DNM3: variants seen among roughly 807,000 people sequenced by gnomAD.
DNM3 encodes dynamin-3.
A neutral mutation model predicts 101.6 loss-of-function variants in DNM3; 47 were observed. The observed-to-expected ratio is 0.46, with a 90% CI of 0.37 to 0.59. The LOEUF (loss-of-function observed/expected upper bound fraction) is 0.59, where lower values mean the gene tolerates loss of function less well. DNM3 is among the 20% of genes least tolerant of loss of function. The probability of loss-of-function intolerance (pLI) is 0.00; values close to 1 mark genes in which losing one functional copy is unlikely to be tolerated. For missense variants in DNM3, 849 were observed against 1,085.7 expected, an observed-to-expected ratio of 0.78 and a Z score of 3.06; for synonymous variants, 385 against 387.9, an observed-to-expected ratio of 0.99 and a Z score of 0.09.
At chr1:171,886,429 G>A (rs1471855961) in intron 1 of DNM3, among the ~76,000 whole-genome samples, 1 of 152,284 alleles carries the variant, frequency 6.6e-6, no homozygotes, top group East Asian at 1.9e-4. Flanking sequence ...GATTCAGAGA[G>A]GGAAAGTTTG....
At chr1:172,323,608 C>A (rs1372540092) in intron 17 of DNM3, among the ~76,000 whole-genome samples, 1 of 152,148 alleles carries the variant, frequency 6.6e-6, no homozygotes, top group African/African-American at 2.4e-5. Context: ...AAAGAGCTCC[C>A]ACACTAAAAG....
chr1:171,862,191 A>G (rs2034243984), intron 1 of DNM3, among the ~76,000 whole-genome samples: 1 of 152,186 alleles, frequency 6.6e-6, no homozygotes, highest in Admixed American at 6.6e-5. Flanking sequence ...AAAGTTAAAC[A>G]TAGTTATCAT....
At chr1:172,159,914 A>G (rs1012427304) in intron 14 of DNM3, among the ~76,000 whole-genome samples, 2 of 152,032 alleles carry the variant, frequency 1.3e-5, no homozygotes, top group African/African-American at 4.8e-5. Flanking sequence ...TACCTAGGCT[A>G]TATGGTATAT....
chr1:171,967,851 C>G (rs1304923423), intron 2 of DNM3, among the ~76,000 whole-genome samples: 4 of 152,294 alleles, frequency 2.6e-5, no homozygotes, highest in East Asian at 1.9e-4. Flanking sequence ...ATATACCTTA[C>G]AGGTCCTTAT....
At chr1:171,878,001 G>A (rs2035931238) in intron 1 of DNM3, among the ~76,000 whole-genome samples, 1 of 152,116 alleles carries the variant, frequency 6.6e-6, no homozygotes, top group South Asian at 2.1e-4. Flanking sequence ...ATAGTACTTA[G>A]GACAATGATT....
intron 2 of DNM3, among the ~76,000 whole-genome samples, chr1:171,942,045 G>C (rs1430386993): frequency 6.6e-6 from 1 of 151,930 alleles, no homozygotes; most frequent in Non-Finnish European, 1.5e-5. Context: ...TGTATTTTTT[G>C]TTCATATGTT....
intron 13 of DNM3, among the ~76,000 whole-genome samples, chr1:172,121,468 A>C (rs1354875449): frequency 6.6e-6 from 1 of 152,256 alleles, no homozygotes; most frequent in Non-Finnish European, 1.5e-5. Context: ...GAGGCATAAA[A>C]AATGCCCTCA....
At chr1:172,147,317 CTT>C (rs2057950506) in intron 14 of DNM3, among the ~76,000 whole-genome samples, 1 of 152,156 alleles carries the variant, frequency 6.6e-6, no homozygotes, top group African/African-American at 2.4e-5. Context: ...GCCTTAATAA[CTT>C]TTCTTACGTC....
intron 17 of DNM3, among the ~76,000 whole-genome samples, chr1:172,368,066 C>A (rs1332441291): frequency 6.6e-6 from 1 of 151,768 alleles, no homozygotes; most frequent in African/African-American, 2.4e-5. Flanking sequence ...GCATAGATCA[C>A]CTAGGCATAA....
At chr1:172,126,737 T>C (rs934505593) in intron 13 of DNM3, among the ~76,000 whole-genome samples, 37 of 152,052 alleles carry the variant, frequency 2.4e-4, no homozygotes, top group African/African-American at 2.2e-4. Flanking sequence ...TTTGACTTCA[T>C]TGGACTCTTA....
intron 10 of DNM3, among the ~76,000 whole-genome samples, chr1:172,055,393 T>G (rs1466728635): frequency 6.6e-6 from 1 of 152,072 alleles, no homozygotes. Flanking sequence ...TTTTCTATTT[T>G]CAGTTGCATA....
At chr1:172,329,153 C>G (rs2066072745) in intron 17 of DNM3, among the ~76,000 whole-genome samples, 1 of 151,910 alleles carries the variant, frequency 6.6e-6, no homozygotes, top group Non-Finnish European at 1.5e-5. Flanking sequence ...TTAAAGCCTT[C>G]TGTCTATCTT....
At chr1:171,957,731 G>A (rs746586763) in intron 2 of DNM3, among the ~76,000 whole-genome samples, 1 of 152,154 alleles carries the variant, frequency 6.6e-6, no homozygotes, top group Non-Finnish European at 1.5e-5. Context: ...CATAGCAAGA[G>A]TCACCTTTAC....
intron 16 of DNM3, among the ~76,000 whole-genome samples, chr1:172,321,590 C>T (rs1239215462): frequency 2.0e-5 from 3 of 152,134 alleles, no homozygotes; most frequent in African/African-American, 7.2e-5. Context: ...CCACGTCCTC[C>T]GCTTGTGTGT....
chr1:171,962,876 C>T (rs1238742741), intron 2 of DNM3, among the ~76,000 whole-genome samples: 1 of 152,116 alleles, frequency 6.6e-6, no homozygotes, highest in African/African-American at 2.4e-5. Flanking sequence ...AACCTAAAAA[C>T]TAACAGTACT....
At chr1:172,105,137 C>T (rs757498082) in intron 13 of DNM3, among the ~76,000 whole-genome samples, 4 of 152,220 alleles carry the variant, frequency 2.6e-5, no homozygotes, top group Admixed American at 1.3e-4. Flanking sequence ...ACAGTCCATA[C>T]TATCACCATT....
chr1:172,012,178 G>A (rs1158794333), intron 4 of DNM3, among the ~76,000 whole-genome samples: 1 of 152,022 alleles, frequency 6.6e-6, no homozygotes, highest in African/African-American at 2.4e-5. Context: ...TGTTCAGGGT[G>A]CTGTGGTATT....
intron 14 of DNM3, among the ~76,000 whole-genome samples, chr1:172,206,756 C>T (rs916099369): frequency 4.6e-5 from 7 of 152,114 alleles, no homozygotes; most frequent in African/African-American, 1.7e-4. Flanking sequence ...ATCTTGCTGA[C>T]ACCCAGGAGC....
At chr1:172,383,787 G>A (rs181877054) in intron 18 of DNM3, among the ~76,000 whole-genome samples, 62 of 152,274 alleles carry the variant, frequency 4.1e-4, no homozygotes, top group African/African-American at 1.2e-3. Flanking sequence ...CCTTTACACT[G>A]AGCAGAGCGA....
Sources: allele counts gnomAD v4.1 joint callset (sites outside exome capture counted in the v4.1 genomes callset), GRCh38; gene constraint gnomAD v4.1.1; transcripts MANE v1.5; gene names NCBI Gene and HGNC (gene_info 2026-07-23, HGNC 2026-07-21).